The following ZNF469 variants were observed in gnomAD, a reference collection of about 807,000 sequenced individuals.
ZNF469 encodes zinc finger protein 469.
A neutral mutation model predicts 1.0 loss-of-function variants in ZNF469; 1 was observed. The ratio of observed to expected loss-of-function variants is 1.00; its 90% confidence interval spans 0.35 to 4.73. The LOEUF (loss-of-function observed/expected upper bound fraction) is 4.73. Among genes scored for constraint, ZNF469 ranks in the 30% most tolerant of loss-of-function variants. ZNF469 has a pLI of 0.16. For missense variants in ZNF469, 6,100 were observed against 5,356.3 expected, an observed-to-expected ratio of 1.14 and a Z score of -4.33; for synonymous variants, 2,703 against 2,363.4, an observed-to-expected ratio of 1.14 and a Z score of -4.17.
the ZNF469 span, among the ~76,000 whole-genome samples, chr16:88,372,407 T>A: frequency 7.3e-6 from 1 of 137,242 alleles, no homozygotes; most frequent in African/African-American, 2.8e-5. Flanking sequence ...ACCATCACCA[T>A]CATCACCATC....
At chr16:88,196,692 T>C in the ZNF469 span, among the ~76,000 whole-genome samples, 1 of 152,190 alleles carries the variant, frequency 6.6e-6, no homozygotes, top group Non-Finnish European at 1.5e-5. Flanking sequence ...CCAAATTGTC[T>C]TGGTAGCCCT....
the ZNF469 span, among the ~76,000 whole-genome samples, chr16:88,305,719 C>A: frequency 6.6e-6 from 1 of 152,242 alleles, no homozygotes; most frequent in African/African-American, 2.4e-5. Context: ...TACTCTCATA[C>A]CTGCACACTC....
At chr16:88,414,830 C>T (rs1471959399) in intron 1 of ZNF469, among the ~76,000 whole-genome samples, 2 of 152,270 alleles carry the variant, frequency 1.3e-5, no homozygotes, top group Non-Finnish European at 2.9e-5. Context: ...CCCAGACGTC[C>T]ACTGCCACCC....
the ZNF469 span, among the ~76,000 whole-genome samples, chr16:88,151,954 G>T: frequency 1.3e-5 from 2 of 152,218 alleles, no homozygotes; most frequent in African/African-American, 4.8e-5. This position sits in a 1 kb window ranked among gnomAD's most constrained non-coding sequence, Gnocchi z 5.4. Context: ...TTGTGTAAAA[G>T]ATGTTTCTGC....
At chr16:88,335,356 T>C in the ZNF469 span, among the ~76,000 whole-genome samples, 1 of 152,190 alleles carries the variant, frequency 6.6e-6, no homozygotes, top group Non-Finnish European at 1.5e-5. Flanking sequence ...CCGCTCCACA[T>C]GGTGTGGATG....
upstream of ZNF469, among the ~76,000 whole-genome samples, chr16:88,378,116 G>C (rs549046770): frequency 1.4e-4 from 21 of 152,206 alleles, no homozygotes; most frequent in African/African-American, 5.1e-4. Flanking sequence ...TGGTGAGGCC[G>C]CAGCACCGTA....
chr16:88,260,766 A>C, the ZNF469 span, among the ~76,000 whole-genome samples: 1 of 152,116 alleles, frequency 6.6e-6, no homozygotes, highest in Non-Finnish European at 1.5e-5. The surrounding 1 kb of genome is among the most constrained non-coding windows in gnomAD (Gnocchi z 4.1). Context: ...CTTTACACAG[A>C]AAAAAAGGGT....
the ZNF469 span, among the ~76,000 whole-genome samples, chr16:88,261,499 G>T: frequency 6.6e-6 from 1 of 152,216 alleles, no homozygotes; most frequent in Non-Finnish European, 1.5e-5. This position sits in a 1 kb window ranked among gnomAD's most constrained non-coding sequence, Gnocchi z 6.0. Flanking sequence ...ACCCAGTTCT[G>T]CTGACGGATG....
At position 88,435,610 on chromosome 16, in the gene ZNF469, C is replaced by G. The variant is rs1906515922; in HGVS notation, c.8140C>G (p.Leu2714Val). 1.9e-6 allele frequency: 3 copies of G among 1,550,314 alleles called. No individual in the cohort carries two copies. The highest frequency in any genetic ancestry group is 1.2e-5 in the South Asian group (1 of 84,064). Residue 2714 changes from leucine to valine, a missense_variant, in exon 3 of 3, where the codon CTG (leucine) becomes GTG (valine). Leu to Val is a conservative substitution (Grantham distance 32). Transcript: ENST00000565624. ...EGAAETDQEA[L>V]CAGETGAQKP... Reference sequence around the variant, plus strand: ...TGCAGCGGAGACTGACCAGGAGGCTCTGTGTGCAGGGGAGACTGGGGCCCA... The same window carrying G: ...TGCAGCGGAGACTGACCAGGAGGCTGTGTGTGCAGGGGAGACTGGGGCCCA...
At chr16:88,143,294 T>A in the ZNF469 span, among the ~76,000 whole-genome samples, 10 of 152,314 alleles carry the variant, frequency 6.6e-5, no homozygotes, top group African/African-American at 2.2e-4. Flanking sequence ...GAAGATGGAA[T>A]AGGTTAGCGT....
In ZNF469 at chr16:88,433,784, C is replaced by G. The variant is rs543961799; in HGVS notation, c.6314C>G (p.Pro2105Arg). 5.2e-6 allele frequency: 8 copies of G among 1,549,604 alleles called. No homozygotes were observed. The African/African-American group carries it at 8.2e-5, about 16-fold the overall frequency. The change falls in exon 3 of 3, where the codon CCC (proline) becomes CGC (arginine). Residue 2105 changes from proline to arginine, a missense_variant. By Grantham distance (103) the Pro-to-Arg change is moderately radical. Transcript: ENST00000565624. ...CTGGCCACAGGGGATAGCCCAGCAC[C>G]CTCTGTCGGGGACCTGGCCGCCTGC... ...PLLATGDSPA[P>R]SVGDLAACAP...
the ZNF469 span, among the ~76,000 whole-genome samples, chr16:88,230,043 C>G: frequency 7.2e-5 from 11 of 152,244 alleles, no homozygotes; most frequent in African/African-American, 2.7e-4. Flanking sequence ...ATCGGGAAGG[C>G]TCAGACTGTT....
At chr16:88,162,560 A>G in the ZNF469 span, among the ~76,000 whole-genome samples, 2 of 152,318 alleles carry the variant, frequency 1.3e-5, no homozygotes, top group South Asian at 2.1e-4. Context: ...TTGATAATAG[A>G]TTTTAAATAG....
the ZNF469 span, among the ~76,000 whole-genome samples, chr16:88,314,383 AGAATATCTCTGTGATTATGATG>A: frequency 9.2e-6 from 1 of 109,028 alleles, no homozygotes; most frequent in East Asian, 2.9e-4. Context: ...ATGCTGGTGT[AGAATATCTCTGTGATTATGATG>A]ATGCTGGTGT....
the ZNF469 span, among the ~76,000 whole-genome samples, chr16:88,289,953 T>C: frequency 1.3e-5 from 2 of 152,166 alleles, no homozygotes; most frequent in Non-Finnish European, 2.9e-5. Context: ...CTGATGGACA[T>C]TGTCTGGAGC....
At chr16:88,156,529 C>T in the ZNF469 span, among the ~76,000 whole-genome samples, 3 of 152,204 alleles carry the variant, frequency 2.0e-5, no homozygotes, top group Non-Finnish European at 4.4e-5. Context: ...TGTTGAAAAT[C>T]AATTGAACCT....
At chr16:88,221,100 C>T in the ZNF469 span, among the ~76,000 whole-genome samples, 2 of 152,132 alleles carry the variant, frequency 1.3e-5, no homozygotes, top group Admixed American at 1.3e-4. Flanking sequence ...TACTCGGTGT[C>T]ACTGTGAGGT....
At chr16:88,161,798 T>C in the ZNF469 span, among the ~76,000 whole-genome samples, 1 of 152,218 alleles carries the variant, frequency 6.6e-6, no homozygotes, top group African/African-American at 2.4e-5. Flanking sequence ...GGAAGCCAGA[T>C]GACGTGAGCT....
the ZNF469 span, among the ~76,000 whole-genome samples, chr16:88,351,893 G>A: frequency 6.6e-6 from 1 of 152,218 alleles, no homozygotes; most frequent in Non-Finnish European, 1.5e-5. Context: ...GTCTATAGTG[G>A]GTTTCGAAAC....
Sources: allele counts gnomAD v4.1 joint callset (sites outside exome capture counted in the v4.1 genomes callset), GRCh38; gene constraint gnomAD v4.1.1; non-coding constraint Gnocchi (gnomAD v3.1); transcripts MANE v1.5; gene names NCBI Gene and HGNC (gene_info 2026-07-23, HGNC 2026-07-21).